OPCML: variants seen among roughly 807,000 people sequenced by gnomAD.
OPCML encodes opioid-binding protein/cell adhesion molecule.
OPCML carries 13 observed loss-of-function variants against 37.8 expected under a neutral mutation model. The ratio of observed to expected loss-of-function variants is 0.34; its 90% CI spans 0.22 to 0.55. The LOEUF (loss-of-function observed/expected upper bound fraction) is 0.55, where lower values mean the gene tolerates loss of function less well. Ranked by LOEUF, OPCML falls within the 20% of genes least tolerant of loss-of-function variation. The pLI is 0.91. For synonymous variants in OPCML, 176 were observed against 168.8 expected (o/e 1.04, Z -0.33); for missense variants, 341 against 435.6 (o/e 0.78, Z 1.93).
At chr11:132,824,618 T>C (rs1462038828) in intron 2 of OPCML, among the ~76,000 whole-genome samples, 1 of 152,222 alleles carries the variant, frequency 6.6e-6, no homozygotes, top group Non-Finnish European at 1.5e-5. Flanking sequence ...TCCACTGAAA[T>C]GGCTCTGCAA....
chr11:133,283,184 C>T (rs1942205421), intron 1 of OPCML, among the ~76,000 whole-genome samples: 1 of 151,990 alleles, frequency 6.6e-6, no homozygotes, highest in Admixed American at 6.6e-5. Context: ...AGATGTTTAT[C>T]CTTTCCAAAT....
At chr11:132,577,367 T>G (rs1031496309) in intron 3 of OPCML, among the ~76,000 whole-genome samples, 9 of 152,160 alleles carry the variant, frequency 5.9e-5, no homozygotes, top group African/African-American at 1.9e-4. Flanking sequence ...ATCTTTAATT[T>G]TATGTAATTT....
At chr11:132,819,936 C>G (rs560303806) in intron 2 of OPCML, among the ~76,000 whole-genome samples, 5 of 152,264 alleles carry the variant, frequency 3.3e-5, no homozygotes, top group Admixed American at 3.3e-4. Context: ...GCCTTCTCCC[C>G]CAGGGTCCTG....
chr11:132,864,412 G>A (rs902020862), intron 2 of OPCML, among the ~76,000 whole-genome samples: 5 of 152,158 alleles, frequency 3.3e-5, no homozygotes, highest in African/African-American at 9.7e-5. Context: ...CACTCACCAC[G>A]TAACTTCAGT....
chr11:132,964,127 G>A (rs1946159507), intron 1 of OPCML, among the ~76,000 whole-genome samples: 1 of 152,158 alleles, frequency 6.6e-6, no homozygotes, highest in Non-Finnish European at 1.5e-5. Flanking sequence ...TCACAGTCCA[G>A]GAAACACCTG....
intron 2 of OPCML, among the ~76,000 whole-genome samples, chr11:132,698,720 G>T (rs2135914486): frequency 6.6e-6 from 1 of 152,132 alleles, no homozygotes; most frequent in East Asian, 1.9e-4. Context: ...CCAATTTCAA[G>T]AATCTTTTTG....
At chr11:133,071,212 G>A (rs1277916502) in intron 1 of OPCML, among the ~76,000 whole-genome samples, 1 of 152,214 alleles carries the variant, frequency 6.6e-6, no homozygotes, top group Non-Finnish European at 1.5e-5. Context: ...TGAGATAGAT[G>A]TGGACAGGCG....
chr11:133,253,825 C>A (rs750987838), intron 1 of OPCML, among the ~76,000 whole-genome samples: 1 of 68,500 alleles, frequency 1.5e-5, no homozygotes, highest in South Asian at 5.4e-4. Flanking sequence ...CTTCCCTTCC[C>A]TTCCATTCCC....
At chr11:132,793,744 G>C (rs1305679757) in intron 2 of OPCML, among the ~76,000 whole-genome samples, 1 of 152,170 alleles carries the variant, frequency 6.6e-6, no homozygotes, top group Non-Finnish European at 1.5e-5. Flanking sequence ...TATGTCTCAA[G>C]TCTGTCCCCC....
chr11:133,008,277 T>C (rs7925181), intron 1 of OPCML: 467,485 of 983,830 alleles, frequency 0.48, 111,450 homozygotes, highest in South Asian at 0.64. Flanking sequence ...TCATAGAGAG[T>C]TGACAATCAA....
At chr11:133,244,460 C>G (rs1005946408) in intron 1 of OPCML, among the ~76,000 whole-genome samples, 1 of 152,004 alleles carries the variant, frequency 6.6e-6, no homozygotes, top group Non-Finnish European at 1.5e-5. Flanking sequence ...AGTGTGTTCC[C>G]GAACACACGG....
intron 1 of OPCML, among the ~76,000 whole-genome samples, chr11:133,053,023 C>G (rs1463121557): frequency 2.0e-5 from 3 of 152,246 alleles, no homozygotes; most frequent in African/African-American, 7.2e-5. Context: ...GCAACCACAA[C>G]AGGTCTTGAC....
At chr11:133,276,961 T>C (rs1028403432) in intron 1 of OPCML, among the ~76,000 whole-genome samples, 5 of 152,366 alleles carry the variant, frequency 3.3e-5, no homozygotes, top group African/African-American at 1.2e-4. Context: ...CAATAGTTTA[T>C]AGATGGATAA....
intron 3 of OPCML, among the ~76,000 whole-genome samples, chr11:132,556,795 C>T (rs77837258): frequency 0.011 from 1,617 of 152,308 alleles, 22 homozygotes; most frequent in Non-Finnish European, 0.015. Context: ...AAACCTACTC[C>T]TGATATTACA....
intron 4 of OPCML, among the ~76,000 whole-genome samples, chr11:132,524,168 C>CAT (rs1344906920): frequency 6.6e-6 from 1 of 152,228 alleles, no homozygotes; most frequent in African/African-American, 2.4e-5. Flanking sequence ...AACTTTTTCA[C>CAT]ATTACTCATG....
intron 1 of OPCML, among the ~76,000 whole-genome samples, chr11:132,964,726 T>C (rs1482824752): frequency 1.3e-5 from 2 of 152,174 alleles, no homozygotes; most frequent in Admixed American, 6.5e-5. Flanking sequence ...TCTGATCCCC[T>C]CAGCAGGCAC....
chr11:132,490,374 T>C (rs567390816), intron 4 of OPCML, among the ~76,000 whole-genome samples: 1 of 152,232 alleles, frequency 6.6e-6, no homozygotes, highest in Non-Finnish European at 1.5e-5. Context: ...TTGAGGTTTC[T>C]CTCAAAGGCG....
At chr11:133,456,213 A>C (rs1946668514) in intron 1 of OPCML, among the ~76,000 whole-genome samples, 1 of 152,130 alleles carries the variant, frequency 6.6e-6, no homozygotes, top group Non-Finnish European at 1.5e-5. Flanking sequence ...GCCAAGGAGA[A>C]CCTGGGGTGA....
chr11:133,425,708 G>A (rs1945988222), intron 1 of OPCML, among the ~76,000 whole-genome samples: 1 of 152,090 alleles, frequency 6.6e-6, no homozygotes, highest in Non-Finnish European at 1.5e-5. Context: ...AAGACAGTAG[G>A]TGCCAAACTG....
Sources: gnomAD v4.1 joint callset for allele counts (sites outside exome capture counted in the v4.1 genomes callset) on GRCh38, gnomAD v4.1.1 for gene constraint, MANE v1.5 for transcripts, NCBI Gene and HGNC (gene_info 2026-07-23, HGNC 2026-07-21) for gene names.